LOXL1: variants seen among roughly 807,000 people sequenced by gnomAD.
LOXL1 encodes the protein lysyl oxidase homolog 1.
A neutral mutation model predicts 62.2 loss-of-function variants in LOXL1; 31 were observed. The observed-to-expected ratio is 0.50, with a 90% CI of 0.37 to 0.67. The LOEUF (loss-of-function observed/expected upper bound fraction) is 0.67, where lower values mean the gene tolerates loss of function less well. Ranked by LOEUF, LOXL1 falls within the 30% of genes least tolerant of loss-of-function variation. The pLI, the probability that LOXL1 is intolerant of heterozygous loss-of-function variation, is 0.00. For missense variants in LOXL1, 775 were observed against 843.4 expected (o/e 0.92, Z 1.00); for synonymous variants, 403 against 384.4 (o/e 1.05, Z -0.56).
At chr15:73,937,940 G>A (rs1283474286) in intron 1 of LOXL1, among the ~76,000 whole-genome samples, 39 of 152,168 alleles carry the variant, frequency 2.6e-4, no homozygotes, top group Admixed American at 2.5e-3. Flanking sequence ...ACGTACGGCC[G>A]TTCACTGTAG....
At position 73,930,623 on chromosome 15, in the gene LOXL1, C is replaced by T. The variant is rs1385695022; in HGVS notation, c.1102+2738C>T. Among the ~76,000 whole-genome samples, 14 of 152,132 alleles carry T rather than the reference C, an allele frequency of 9.2e-5. No individual in the cohort carries two copies. The highest frequency in any genetic ancestry group is 9.2e-4 in the Admixed American group (14 of 15,272). On this transcript the variant is annotated intron_variant, in intron 1 of 6. Coordinates refer to ENST00000261921, the MANE Select transcript of LOXL1 (RefSeq NM_005576.4). This position sits in a 1 kb window ranked among gnomAD's most constrained non-coding sequence, Gnocchi z 4.7. Reference sequence around the variant, plus strand: ...GGGTCTGAGGCTGGGCGCTGGCAGCCTGTGAGTGTGTGTGGGCGTGGACGT... The same window carrying T: ...GGGTCTGAGGCTGGGCGCTGGCAGCTTGTGAGTGTGTGTGGGCGTGGACGT...
At position 73,927,165 on chromosome 15, in the gene LOXL1, T is replaced by G; in HGVS notation, c.382T>G (p.Trp128Gly). Residue 128 changes from tryptophan to glycine, a missense_variant, in exon 1 of 7, where the codon TGG (tryptophan) becomes GGG (glycine). Trp to Gly is a radical substitution (Grantham distance 184, BLOSUM62 -2). Coordinates refer to ENST00000261921, the MANE Select transcript of LOXL1 (RefSeq NM_005576.4). ...CGGCTTTGGCCAGGTGCCCGACAACTGGCGCGAGGTGGCCGTCGGGGACAG... is the reference window on the plus strand; with the variant it reads ...CGGCTTTGGCCAGGTGCCCGACAACGGGCGCGAGGTGGCCGTCGGGGACAG... Reference protein sequence around the residue: ...PFGFGQVPDNWREVAVGDSTG... With the variant: ...PFGFGQVPDNGREVAVGDSTG... The G allele has an allele frequency of 1.3e-6, 2 of 1,533,856 alleles. No individual in the cohort carries two copies. Among genetic ancestry groups the G allele is most frequent in the Non-Finnish European group, 1.8e-6 (2 of 1,141,164 alleles).
At position 73,927,631 on chromosome 15, in the gene LOXL1, C is replaced by A; in HGVS notation, c.848C>A (p.Thr283Asn). Reference sequence around the variant, plus strand: ...TCGCACAGTCTGTACAGCGAGGGCACCCCCGGCTTCGAGCAGGCCTACCCT... The same window carrying A: ...TCGCACAGTCTGTACAGCGAGGGCAACCCCGGCTTCGAGCAGGCCTACCCT... ...RYSHSLYSEG[T>N]PGFEQAYPDP... The change falls in exon 1 of 7, where the codon ACC (threonine) becomes AAC (asparagine). Residue 283 changes from threonine (T) to asparagine (N), a missense_variant. Coordinates refer to ENST00000261921, the MANE Select transcript of LOXL1 (RefSeq NM_005576.4). The A allele has an allele frequency of 6.7e-7, 1 of 1,487,702 alleles. No individual in the cohort carries two copies. The highest frequency in any genetic ancestry group is 1.5e-5 in the African/African-American group (1 of 68,636). The allele number at this position is 1,487,702 out of a possible 1,614,324, so 92.2% of individuals were successfully genotyped here. A position where few individuals can be genotyped will look rare whatever the true frequency, so the allele number is the denominator to read the frequency against.
At chr15:73,928,646 C>T in intron 1 of LOXL1, among the ~76,000 whole-genome samples, 1 of 144,336 alleles carries the variant, frequency 6.9e-6, no homozygotes, top group South Asian at 2.2e-4. Flanking sequence ...AGGAAATATC[C>T]AGATTTTAAA....
At chr15:73,946,951 C>T in intron 3 of LOXL1, 116 bp from the exon 4 acceptor site, 1 of 1,163,986 alleles carries the variant, frequency 8.6e-7, no homozygotes, top group Non-Finnish European at 1.2e-6. Flanking sequence ...GAACCTAGAC[C>T]AGCCAGGAGG....
chr15:73,937,556 C>G (rs2068682688), intron 1 of LOXL1, among the ~76,000 whole-genome samples: 1 of 152,254 alleles, frequency 6.6e-6, no homozygotes, highest in South Asian at 2.1e-4. Context: ...TCTGTGCAGC[C>G]TGCATCTGAG....
chr15:73,928,874 A>G (rs1315035312), intron 1 of LOXL1, among the ~76,000 whole-genome samples: 2 of 151,504 alleles, frequency 1.3e-5, no homozygotes, highest in Non-Finnish European at 2.9e-5. Flanking sequence ...CCGAGGAAAA[A>G]AAAAAAAAAA....
chr15:73,947,004 A>T, intron 3 of LOXL1, 63 bp from the exon 4 acceptor site: 3 of 1,473,620 alleles, frequency 2.0e-6, no homozygotes, highest in Non-Finnish European at 2.7e-6. Context: ...CAGGATGGGG[A>T]CAGGATGAGA....
chr15:73,942,990 T>G (rs771590166), intron 2 of LOXL1, 28 bp downstream of exon 2: 2 of 1,567,372 alleles, frequency 1.3e-6, no homozygotes, highest in Non-Finnish European at 8.8e-7. Context: ...AAGTGTAGAG[T>G]GTTGGGATAG....
Position 73,951,902 on chromosome 15 carries a change from T to C in LOXL1, c.*65T>C. 2.9e-6 allele frequency: 4 copies of C among 1,393,038 alleles called. No homozygotes were observed. Among genetic ancestry groups the C allele is most frequent in the South Asian group, 3.3e-5 (2 of 60,132 alleles). The allele number at this position is 1,393,038 out of a possible 1,614,324, so 86.3% of individuals were successfully genotyped here. On this transcript the variant is annotated 3_prime_UTR_variant, in exon 7 of 7. Coordinates refer to ENST00000261921, the MANE Select transcript of LOXL1 (RefSeq NM_005576.4). ...AGCAGGCCCTGCTCCCCGGGCAGCCTCCCGCCGAGGGGCCCAGCCCCCAAC... is the reference window on the plus strand; with the variant it reads ...AGCAGGCCCTGCTCCCCGGGCAGCCCCCCGCCGAGGGGCCCAGCCCCCAAC...
chr15:73,948,026 C>T, intron 5 of LOXL1, 124 bp downstream of exon 5: 1 of 627,480 alleles, frequency 1.6e-6, no homozygotes, highest in Non-Finnish European at 2.7e-6. Flanking sequence ...GCAGAGGCAG[C>T]ATCTGAGGCA....
intron 5 of LOXL1, 50 bp downstream of exon 5, chr15:73,947,952 A>G (rs917548405): frequency 1.4e-5 from 20 of 1,382,458 alleles, no homozygotes; most frequent in Non-Finnish European, 1.8e-5. Flanking sequence ...TTCATGTCCA[A>G]TGTCCCCCCG....
In LOXL1 at chr15:73,946,489, C is replaced by A. The variant is rs1251853239; in HGVS notation, c.1284C>A (p.Asn428Lys). 1 of 1,612,182 alleles carries A rather than the reference C, an allele frequency of 6.2e-7. No homozygotes were observed. The highest frequency in any genetic ancestry group is 8.5e-7 in the Non-Finnish European group (1 of 1,179,322). Residue 428 changes from asparagine to lysine, a missense_variant, in exon 3 of 7, where the codon AAC becomes AAA. Asn to Lys is a moderately conservative substitution (Grantham distance 94, BLOSUM62 0). Coordinates refer to ENST00000261921, the MANE Select transcript of LOXL1 (RefSeq NM_005576.4). ...VLLRFPQRVKNQGTADFLPNR... is the reference protein window; with the variant it reads ...VLLRFPQRVKKQGTADFLPNR... ...TGCGCTTCCCCCAGCGCGTGAAGAACCAGGGCACAGCAGACTTCCTCCCCA... is the reference window on the plus strand; with the variant it reads ...TGCGCTTCCCCCAGCGCGTGAAGAAACAGGGCACAGCAGACTTCCTCCCCA...
At position 73,927,538 on chromosome 15, in the gene LOXL1, A is replaced by T; in HGVS notation, c.755A>T (p.Tyr252Phe). Residue 252 changes from tyrosine (Y) to phenylalanine (F), a missense_variant, in exon 1 of 7, where the codon TAC becomes TTC. Physicochemically the swap from Tyr to Phe is conservative, Grantham distance 22. Coordinates refer to ENST00000261921, the MANE Select transcript of LOXL1 (RefSeq NM_005576.4). ...CCCGAGTACCCGCCTCAGGGCTTCT[A>T]CCCGGCCCCCGAGAGGCCCTACGTG... ...ELPEYPPQGFYPAPERPYVPP... is the reference protein window; with the variant it reads ...ELPEYPPQGFFPAPERPYVPP... The T allele has an allele frequency of 2.6e-6, 3 of 1,172,674 alleles. No individual in the cohort carries two copies. Among genetic ancestry groups the T allele is most frequent in the Non-Finnish European group, 3.3e-6 (3 of 905,344 alleles). 72.6% of individuals were successfully genotyped at this position (1,172,674 alleles called of 1,614,324 possible). A position where few individuals can be genotyped will look rare whatever the true frequency, so the allele number is the denominator to read the frequency against.
In LOXL1 at chr15:73,935,934, GGTGTGTGTGTGT is replaced by G. The variant is rs3056338; in HGVS notation, c.1103-6891_1103-6880del. Among the ~76,000 whole-genome samples the G allele has an allele frequency of 8.0e-4, 106 of 131,936 alleles. 1 individual carries two copies. The highest frequency in any genetic ancestry group is 1.3e-3 in the Non-Finnish European group (80 of 63,020). The allele number at this position is 131,936 out of a possible 152,430, so 86.6% of individuals were successfully genotyped here. Reference sequence around the variant, plus strand: ...TGTGTGCCTCTGCATAGGTAGAGCTGGTGTGTGTGTGTGTGTGTGTGTGTGTGTGTGTGTGTG... The same window carrying G: ...TGTGTGCCTCTGCATAGGTAGAGCTGGTGTGTGTGTGTGTGTGTGTGTGTG... On this transcript the variant is annotated intron_variant, in intron 1 of 6. Coordinates refer to ENST00000261921, the MANE Select transcript of LOXL1 (RefSeq NM_005576.4).
Position 73,947,301 on chromosome 15 carries a change from C to T in LOXL1, c.1506+78C>T, listed in dbSNP as rs757418918. The T allele has an allele frequency of 1.0e-4, 155 of 1,483,624 alleles. 1 individual carries two copies. The highest frequency in any genetic ancestry group is 8.7e-4 in the Admixed American group (44 of 50,510). 91.9% of individuals were successfully genotyped at this position (1,483,624 alleles called of 1,614,324 possible). ...GCAAAGAGCGAGGCCCGCTGAGGCC[C>T]GGCAAGTGCCAAGGCTTCTGGCCAC... On this transcript the variant is annotated intron_variant, in intron 4 of 6. Coordinates refer to ENST00000261921, the MANE Select transcript of LOXL1 (RefSeq NM_005576.4).
At chr15:73,938,501 A>G (rs1485826123) in intron 1 of LOXL1, among the ~76,000 whole-genome samples, 2 of 151,962 alleles carry the variant, frequency 1.3e-5, no homozygotes, top group African/African-American at 4.8e-5. Flanking sequence ...ACCTGAGGTC[A>G]GGAGTTCGAG....
rs539520823 is a variant in LOXL1 at position 73,927,685 on chromosome 15, A to G, written c.902A>G (p.His301Arg). Residue 301 changes from histidine to arginine, a missense_variant, in exon 1 of 7, where the codon CAT becomes CGT. Physicochemically the swap from His to Arg is conservative, Grantham distance 29. Coordinates refer to ENST00000261921, the MANE Select transcript of LOXL1 (RefSeq NM_005576.4). ...PDPGPEAAQA[H>R]GGDPRLGWYP... The stretch of plus-strand genomic sequence containing the variant: ...CCCGGTCCCGAGGCGGCGCAGGCCC[A>G]TGGCGGAGACCCACGCCTGGGCTGG... 53 of 1,484,336 alleles carry G rather than the reference A, an allele frequency of 3.6e-5. No homozygotes were observed. The South Asian group carries it at 5.2e-4, about 15-fold the overall frequency. The allele number at this position is 1,484,336 out of a possible 1,614,324, so 91.9% of individuals were successfully genotyped here.
chr15:73,950,574 G>T (rs928334918), intron 6 of LOXL1, among the ~76,000 whole-genome samples: 1 of 152,186 alleles, frequency 6.6e-6, no homozygotes, highest in African/African-American at 2.4e-5. Context: ...ACCAGGATCA[G>T]GGTTCAGTGT....
Sources: allele counts gnomAD v4.1 joint callset (sites outside exome capture counted in the v4.1 genomes callset), GRCh38; gene constraint gnomAD v4.1.1; non-coding constraint Gnocchi (gnomAD v3.1); transcripts MANE v1.5; gene names NCBI Gene and HGNC (gene_info 2026-07-23, HGNC 2026-07-21).